The following NAV2 variants were observed in gnomAD, a reference collection of about 807,000 sequenced individuals.
NAV2 encodes neuron navigator 2.
In NAV2, 54 loss-of-function variants were observed where a neutral mutation model predicts 223.2. That is an observed-to-expected ratio of 0.24 (90% confidence interval 0.19 to 0.30). The LOEUF (loss-of-function observed/expected upper bound fraction) is 0.30, where lower values mean the gene tolerates loss of function less well. Among genes scored for constraint, NAV2 ranks in the 10% least tolerant of loss-of-function variants. The pLI is 1.00. For synonymous variants in NAV2, 1,279 were observed against 1,239.3 expected, an observed-to-expected ratio of 1.03 and a Z score of -0.67; for missense variants, 2,806 against 3,147.5, an observed-to-expected ratio of 0.89 and a Z score of 2.60.
intron 1 of NAV2, among the ~76,000 whole-genome samples, chr11:19,497,027 G>A (rs982734848): frequency 1.3e-5 from 2 of 152,194 alleles, no homozygotes; most frequent in Non-Finnish European, 2.9e-5. Context: ...CAAGTGGAGA[G>A]TATAATAGCC....
At chr11:19,963,286 A>C (rs535381837) in intron 10 of NAV2, among the ~76,000 whole-genome samples, 1 of 152,350 alleles carries the variant, frequency 6.6e-6, no homozygotes, top group African/African-American at 2.4e-5. Flanking sequence ...CAAGGGGGCC[A>C]AAGCTCTGAG....
In NAV2 at chr11:19,584,349, T is replaced by A. The variant is rs918013506; in HGVS notation, c.75+233322T>A. Among the ~76,000 whole-genome samples, 6 of 152,346 alleles carry A rather than the reference T, an allele frequency of 3.9e-5. No homozygotes were observed. The East Asian group carries it at 1.2e-3, about 29-fold the overall frequency. ...AACCAGCTCCTGGATTCATTGATTT[T>A]TTGAAGGGTCTTTTGTGTCTCTATT... On this transcript the variant is annotated intron_variant, in intron 1 of 37. Transcript: ENST00000360655.
At chr11:19,650,610 A>C (rs906148261) in intron 1 of NAV2, among the ~76,000 whole-genome samples, 1 of 152,204 alleles carries the variant, frequency 6.6e-6, no homozygotes, top group African/African-American at 2.4e-5. Context: ...GCTACACAAA[A>C]AACTTGTTTA....
At chr11:19,571,083 C>A (rs543679187) in intron 1 of NAV2, among the ~76,000 whole-genome samples, 2 of 152,158 alleles carry the variant, frequency 1.3e-5, no homozygotes, top group African/African-American at 4.8e-5. Flanking sequence ...TATATCCATA[C>A]AATGGAATAT....
At chr11:19,351,675 A>G (rs1442207729) in intron 1 of NAV2, among the ~76,000 whole-genome samples, 2 of 152,130 alleles carry the variant, frequency 1.3e-5, no homozygotes, top group Non-Finnish European at 1.5e-5. Flanking sequence ...TTGAAGCTAC[A>G]TCTTCTCACT....
At chr11:19,850,992 C>T (rs947283859) in intron 3 of NAV2, among the ~76,000 whole-genome samples, 1 of 152,196 alleles carries the variant, frequency 6.6e-6, no homozygotes, top group Non-Finnish European at 1.5e-5. Flanking sequence ...TCCCCTCACA[C>T]AGTAGCACCT....
At chr11:19,866,542 T>G (rs530249283) in intron 3 of NAV2, among the ~76,000 whole-genome samples, 2 of 152,352 alleles carry the variant, frequency 1.3e-5, no homozygotes, top group South Asian at 4.1e-4. Context: ...TGAATTGAAA[T>G]GTATCAAGGC....
intron 20 of NAV2, among the ~76,000 whole-genome samples, chr11:20,062,685 GTTTC>G (rs1023870286): frequency 1.4e-4 from 22 of 152,146 alleles, no homozygotes; most frequent in African/African-American, 5.3e-4. Flanking sequence ...GTCTGCCTCA[GTTTC>G]TTTCTTTCTT....
At chr11:19,724,635 C>T (rs1382978959) in intron 1 of NAV2, among the ~76,000 whole-genome samples, 1 of 152,230 alleles carries the variant, frequency 6.6e-6, no homozygotes, top group Non-Finnish European at 1.5e-5. Flanking sequence ...TGACCACCTC[C>T]CATAGTCCAG....
At chr11:19,864,909 G>C (rs975992641) in intron 3 of NAV2, among the ~76,000 whole-genome samples, 1 of 152,100 alleles carries the variant, frequency 6.6e-6, no homozygotes, top group African/African-American at 2.4e-5. Context: ...TCCCTCTCCT[G>C]GGTTTCCCCC....
chr11:19,597,868 C>A (rs779136133), intron 1 of NAV2, among the ~76,000 whole-genome samples: 1 of 152,290 alleles, frequency 6.6e-6, no homozygotes, highest in East Asian at 1.9e-4. Context: ...GAGGAATGGC[C>A]GTGGCCATTT....
chr11:19,543,320 AAAATATATCTATGAAGTTCC>A (rs1487982013), intron 1 of NAV2, among the ~76,000 whole-genome samples: 1 of 152,204 alleles, frequency 6.6e-6, no homozygotes, highest in Non-Finnish European at 1.5e-5. Flanking sequence ...AAGTCCTTTC[AAAATATATCTATGAAGTTCC>A]AGGAACTAGG....
intron 10 of NAV2, among the ~76,000 whole-genome samples, 189 bp from the exon 11 acceptor site, chr11:19,983,935 TG>T (rs2050528446): frequency 6.6e-6 from 1 of 152,176 alleles, no homozygotes. Flanking sequence ...GTTAGCGAGC[TG>T]GGGATCCTCT....
intron 1 of NAV2, chr11:19,519,950 T>G (rs1164710012): frequency 6.6e-6 from 1 of 152,228 alleles, no homozygotes; most frequent in Non-Finnish European, 1.5e-5. Flanking sequence ...TTAGGGGTTG[T>G]GTTTATTTTG....
rs1324162346 is a variant in NAV2 at position 19,859,133 on chromosome 11, T to TTC, written c.439-9788_439-9787dup. Among the ~76,000 whole-genome samples, 358 of 134,248 alleles carry TTC rather than the reference T, an allele frequency of 2.7e-3. 4 individuals carry two copies. Among genetic ancestry groups the TTC allele is most frequent in the African/African-American group, 9.6e-3 (339 of 35,308 alleles). The allele number at this position is 134,248 out of a possible 152,430, so 88.1% of individuals were successfully genotyped here. ...AGATATGGAGGAGTCCAAAATCATA[T>TTC]TCTCTTTTTTTTTTTTTTTTTTTTT... On this transcript the variant is annotated intron_variant, in intron 3 of 37. Coordinates refer to ENST00000349880, the MANE Select transcript of NAV2 (RefSeq NM_145117.5).
At chr11:19,802,866 A>C (rs977431536) in intron 1 of NAV2, among the ~76,000 whole-genome samples, 3 of 152,150 alleles carry the variant, frequency 2.0e-5, no homozygotes, top group African/African-American at 4.8e-5. Flanking sequence ...CAAATTTAGA[A>C]TGTATTTTCT....
At chr11:19,787,898 G>A (rs992835553) in intron 1 of NAV2, among the ~76,000 whole-genome samples, 2 of 152,028 alleles carry the variant, frequency 1.3e-5, no homozygotes, top group African/African-American at 4.8e-5. Context: ...TAGCAGGAGG[G>A]GCTCATGAGT....
Position 19,930,972 on chromosome 11 carries a change from C to T in NAV2, c.932-2204C>T, listed in dbSNP as rs1463919089. ...CTCTTGTTGTTTAAGTGGCTGTTTA[C>T]ATGCATTCTTCATCGAAGGAGGTAG... On this transcript the variant is annotated intron_variant, in intron 6 of 37. Transcript: ENST00000349880. Among the ~76,000 whole-genome samples, 3 of 152,356 alleles carry T rather than the reference C, an allele frequency of 2.0e-5. No individual in the cohort carries two copies. The East Asian group carries it at 5.8e-4, about 29-fold the overall frequency.
intron 7 of NAV2, among the ~76,000 whole-genome samples, chr11:19,935,506 G>A (rs773719067): frequency 3.9e-5 from 6 of 152,126 alleles, no homozygotes; most frequent in Non-Finnish European, 7.4e-5. Context: ...TGCTATGTTT[G>A]TATGATTCCC....
Sources: gnomAD v4.1 joint callset for allele counts (sites outside exome capture counted in the v4.1 genomes callset) on GRCh38, gnomAD v4.1.1 for gene constraint, MANE v1.5 for transcripts, NCBI Gene and HGNC (gene_info 2026-07-23, HGNC 2026-07-21) for gene names.